The following LRRTM4 variants were observed in gnomAD, a reference collection of about 807,000 sequenced individuals.
LRRTM4 encodes leucine rich repeat transmembrane neuronal 4.
In LRRTM4, 25 loss-of-function variants were observed where a neutral mutation model predicts 47.6. That is an observed-to-expected ratio of 0.53 (90% CI 0.38 to 0.73). The LOEUF is 0.73. Among genes scored for constraint, LRRTM4 ranks in the 30% least tolerant of loss-of-function variants. The pLI is 0.00. For missense variants in LRRTM4, 638 were observed against 713.4 expected, an observed-to-expected ratio of 0.89 and a Z score of 1.20; for synonymous variants, 311 against 269.5, an observed-to-expected ratio of 1.15 and a Z score of -1.51.
At chr2:77,336,232 G>T (rs1671163004) in intron 3 of LRRTM4, among the ~76,000 whole-genome samples, 1 of 148,044 alleles carries the variant, frequency 6.8e-6, no homozygotes, top group Admixed American at 6.8e-5. Context: ...AGGAAAGAAA[G>T]GAAGGAAGGA....
chr2:77,385,958 T>C (rs148290164), intron 3 of LRRTM4, among the ~76,000 whole-genome samples: 2,561 of 151,888 alleles, frequency 0.017, 31 homozygotes, highest in South Asian at 0.047. Flanking sequence ...GGTTTCACCA[T>C]GTTTGCCAGG....
intron 3 of LRRTM4, among the ~76,000 whole-genome samples, chr2:76,904,728 G>A (rs564963330): frequency 5.9e-5 from 9 of 152,196 alleles, no homozygotes; most frequent in Non-Finnish European, 1.0e-4. Flanking sequence ...ATACACCACC[G>A]TCAAGTTTTG....
chr2:77,372,317 C>G (rs1028409050), intron 3 of LRRTM4, among the ~76,000 whole-genome samples: 2 of 151,726 alleles, frequency 1.3e-5, no homozygotes, highest in Non-Finnish European at 2.9e-5. Context: ...TAGAAAATTG[C>G]TCATCCATAG....
intron 3 of LRRTM4, among the ~76,000 whole-genome samples, chr2:77,469,598 T>G (rs551264038): frequency 6.6e-6 from 1 of 152,240 alleles, no homozygotes; most frequent in East Asian, 1.9e-4. Flanking sequence ...AGGCCCTAAT[T>G]TTGATGAATA....
At chr2:77,362,680 G>A (rs1472545762) in intron 3 of LRRTM4, among the ~76,000 whole-genome samples, 1 of 152,142 alleles carries the variant, frequency 6.6e-6, no homozygotes, top group East Asian at 1.9e-4. Flanking sequence ...GACCAGTGAT[G>A]AGGATAGTCT....
At chr2:77,492,787 G>A (rs1385054236) in intron 3 of LRRTM4, among the ~76,000 whole-genome samples, 1 of 151,974 alleles carries the variant, frequency 6.6e-6, no homozygotes, top group African/African-American at 2.4e-5. Context: ...CAAAAGGCAA[G>A]ACAAACATTA....
At chr2:77,314,764 T>A (rs1677569233) in intron 3 of LRRTM4, among the ~76,000 whole-genome samples, 1 of 152,178 alleles carries the variant, frequency 6.6e-6, no homozygotes, top group African/African-American at 2.4e-5. Context: ...TATGATAGTG[T>A]GAAAGTGATA....
intron 3 of LRRTM4, among the ~76,000 whole-genome samples, chr2:77,301,158 C>T (rs1677125044): frequency 6.6e-6 from 1 of 151,918 alleles, no homozygotes; most frequent in South Asian, 2.1e-4. Flanking sequence ...AAATTAGATG[C>T]TTCATGGAAT....
At chr2:77,185,308 G>A (rs963337407) in intron 3 of LRRTM4, among the ~76,000 whole-genome samples, 2 of 152,100 alleles carry the variant, frequency 1.3e-5, no homozygotes, top group Admixed American at 6.6e-5. Context: ...CGGATGAAAT[G>A]TTAGCAATCC....
At chr2:77,001,839 T>C (rs1677441282) in intron 3 of LRRTM4, among the ~76,000 whole-genome samples, 1 of 152,184 alleles carries the variant, frequency 6.6e-6, no homozygotes, top group Non-Finnish European at 1.5e-5. Flanking sequence ...GCCTAAACAA[T>C]AACGGATCTG....
intron 3 of LRRTM4, among the ~76,000 whole-genome samples, chr2:76,936,585 TA>T (rs869085850): frequency 0.12 from 11,644 of 96,846 alleles, 778 homozygotes; most frequent in African/African-American, 0.22. Flanking sequence ...TAAAGTATAA[TA>T]AAAAAAAAAA....
intron 3 of LRRTM4, among the ~76,000 whole-genome samples, chr2:76,952,081 A>G (rs1342571879): frequency 1.3e-5 from 2 of 152,030 alleles, no homozygotes; most frequent in Non-Finnish European, 2.9e-5. Context: ...CAGTGCAGCA[A>G]TAAACATAGG....
At chr2:77,446,698 C>T (rs1195576709) in intron 3 of LRRTM4, among the ~76,000 whole-genome samples, 1 of 152,008 alleles carries the variant, frequency 6.6e-6, no homozygotes, top group Non-Finnish European at 1.5e-5. Context: ...TCAGCCATAA[C>T]AAGACAGCAC....
chr2:76,763,538 A>T (rs543742680), intron 3 of LRRTM4, among the ~76,000 whole-genome samples: 6 of 152,240 alleles, frequency 3.9e-5, no homozygotes, highest in Non-Finnish European at 8.8e-5. Flanking sequence ...CGGCTTCCAG[A>T]ACTGTAAGGA....
At chr2:77,360,210 T>G (rs970973543) in intron 3 of LRRTM4, among the ~76,000 whole-genome samples, 5 of 152,058 alleles carry the variant, frequency 3.3e-5, no homozygotes, top group Non-Finnish European at 7.4e-5. Context: ...GTAATCCCAG[T>G]ACTACGGCAA....
chr2:77,455,083 G>T (rs1157553046), intron 3 of LRRTM4, among the ~76,000 whole-genome samples: 1 of 152,072 alleles, frequency 6.6e-6, no homozygotes, highest in African/African-American at 2.4e-5. Context: ...AGCTACTCAG[G>T]AGGCTGAGAC....
chr2:76,834,872 C>T (rs903767569), intron 3 of LRRTM4, among the ~76,000 whole-genome samples: 4 of 152,038 alleles, frequency 2.6e-5, no homozygotes, highest in Admixed American at 6.6e-5. Context: ...ATTTTGTAGA[C>T]CATGACCAAG....
At chr2:76,968,381 T>TATATAC (rs1553437943) in intron 3 of LRRTM4, among the ~76,000 whole-genome samples, 216 of 116,096 alleles carry the variant, frequency 1.9e-3, no homozygotes, top group African/African-American at 6.7e-3. Flanking sequence ...TATATATATA[T>TATATAC]ATACACATAC....
At chr2:77,508,080 C>T (rs1349516809) in intron 3 of LRRTM4, among the ~76,000 whole-genome samples, 1 of 152,132 alleles carries the variant, frequency 6.6e-6, no homozygotes, top group Non-Finnish European at 1.5e-5. Flanking sequence ...AATTCCCAGA[C>T]TTGAGCCAGT....
Sources: allele counts gnomAD v4.1 joint callset (sites outside exome capture counted in the v4.1 genomes callset), GRCh38; gene constraint gnomAD v4.1.1; transcripts MANE v1.5; gene names NCBI Gene and HGNC (gene_info 2026-07-23, HGNC 2026-07-21).